Variants in GALNT14 observed in about 807,000 individuals in gnomAD.
The protein encoded by GALNT14 is polypeptide N-acetylgalactosaminyltransferase 14.
In GALNT14, 60 loss-of-function variants were observed where a neutral mutation model predicts 77.5. That is an observed-to-expected ratio of 0.77 (90% CI 0.63 to 0.96). The LOEUF is 0.96. Among genes scored for constraint, GALNT14 ranks in the 40% least tolerant of loss-of-function variants. GALNT14 has a pLI of 0.00. For synonymous variants in GALNT14, 280 were observed against 281.7 expected, an observed-to-expected ratio of 0.99 and a Z score of 0.06; for missense variants, 710 against 731.0, an observed-to-expected ratio of 0.97 and a Z score of 0.33.
intron 1 of GALNT14, among the ~76,000 whole-genome samples, chr2:31,009,950 T>C (rs1310980897): frequency 6.6e-6 from 1 of 152,196 alleles, no homozygotes; most frequent in Non-Finnish European, 1.5e-5. Context: ...AATACTGCAT[T>C]TGATCCCTCC....
At chr2:31,094,515 C>T (rs1676910104) in intron 1 of GALNT14, among the ~76,000 whole-genome samples, 1 of 152,232 alleles carries the variant, frequency 6.6e-6, no homozygotes, top group African/African-American at 2.4e-5. Context: ...AGGAAACAGA[C>T]ATGGGCAATA....
chr2:30,986,608 G>A (rs1244500816), intron 2 of GALNT14, among the ~76,000 whole-genome samples: 1 of 152,090 alleles, frequency 6.6e-6, no homozygotes, highest in Admixed American at 6.5e-5. Context: ...ATGTAATTGT[G>A]GTTTTTTCCA....
At chr2:30,922,092 AG>A (rs1665067014) in intron 13 of GALNT14, among the ~76,000 whole-genome samples, 1 of 152,162 alleles carries the variant, frequency 6.6e-6, no homozygotes, top group Non-Finnish European at 1.5e-5. Context: ...TCATGGGAGA[AG>A]GGGGTCACAT....
chr2:30,942,513 A>G (rs1666438537), intron 8 of GALNT14, among the ~76,000 whole-genome samples: 1 of 152,196 alleles, frequency 6.6e-6, no homozygotes, highest in Non-Finnish European at 1.5e-5. Context: ...AACAAGCTCC[A>G]GGGTTTTTCC....
At chr2:30,902,380 G>A in the GALNT14 span, among the ~76,000 whole-genome samples, 1 of 152,132 alleles carries the variant, frequency 6.6e-6, no homozygotes, top group African/African-American at 2.4e-5. Context: ...CACTAAGGAG[G>A]CTTTAAGACA....
chr2:30,932,272 G>A (rs1451854827), intron 9 of GALNT14, 78 bp from the exon 10 acceptor site: 35 of 1,320,876 alleles, frequency 2.6e-5, no homozygotes, highest in Non-Finnish European at 3.3e-5. Flanking sequence ...TAATGAAACG[G>A]TGAGGCCCCC....
rs150422564 is a variant in GALNT14, at chr2:31,103,481, G to A, written c.129+34477C>T. Among the ~76,000 whole-genome samples the A allele has an allele frequency of 4.6e-3, 390 of 85,338 alleles. 1 individual carries two copies. The Middle Eastern group carries it at 0.046, about 10-fold the overall frequency. The allele number at this position is 85,338 out of a possible 152,430, so 56.0% of individuals were successfully genotyped here. ...TAACACAATGGCAGCTGCGTATAGA[G>A]AAGAAGGAAACACACACACACACAC... On this transcript the variant is annotated intron_variant, in intron 1 of 14. Transcript: ENST00000349752.
intron 1 of GALNT14, among the ~76,000 whole-genome samples, chr2:31,025,547 G>A (rs924278533): frequency 1.3e-5 from 2 of 152,202 alleles, no homozygotes; most frequent in African/African-American, 4.8e-5. Context: ...ACAGGGAGCA[G>A]AGAAAACACC....
At chr2:31,137,685 C>A (rs569116971) in intron 1 of GALNT14, among the ~76,000 whole-genome samples, 48 of 152,306 alleles carry the variant, frequency 3.2e-4, no homozygotes, top group African/African-American at 1.1e-3. Flanking sequence ...CCGGGACCCT[C>A]GCGCGCAGCT....
intron 2 of GALNT14, among the ~76,000 whole-genome samples, chr2:30,973,656 CA>C (rs1185694908): frequency 1.3e-5 from 2 of 152,148 alleles, no homozygotes; most frequent in African/African-American, 4.8e-5. Context: ...ACTATAAAAT[CA>C]AAAATTCCTT....
chr2:31,137,833 C>T (rs978479725), intron 1 of GALNT14, 125 bp downstream of exon 1: 3 of 1,249,414 alleles, frequency 2.4e-6, no homozygotes, highest in Admixed American at 2.6e-5. Flanking sequence ...CATCCGGCGG[C>T]TGTTACCTGC....
At chr2:31,094,313 C>T (rs891581261) in intron 1 of GALNT14, among the ~76,000 whole-genome samples, 8 of 152,202 alleles carry the variant, frequency 5.3e-5, no homozygotes, top group Non-Finnish European at 7.3e-5. Context: ...CTGCCTATCC[C>T]AAAACCTATA....
chr2:30,993,339 G>A (rs971062508), intron 1 of GALNT14, among the ~76,000 whole-genome samples: 2 of 152,196 alleles, frequency 1.3e-5, no homozygotes, highest in African/African-American at 4.8e-5. Context: ...GCCTGGAGAG[G>A]TAAGTACCTT....
chr2:30,956,607 A>C (rs1667386562), intron 4 of GALNT14, among the ~76,000 whole-genome samples: 1 of 152,186 alleles, frequency 6.6e-6, no homozygotes, highest in South Asian at 2.1e-4. Flanking sequence ...CCTGGGTTCA[A>C]GTGATTCTCC....
At chr2:30,938,133 C>A (rs1343635910) in intron 9 of GALNT14, among the ~76,000 whole-genome samples, 3 of 150,758 alleles carry the variant, frequency 2.0e-5, no homozygotes, top group Non-Finnish European at 4.4e-5. Context: ...GGTGGTGGTA[C>A]TTCCTCTCTG....
At chr2:31,065,577 G>C (rs577783891) in intron 1 of GALNT14, among the ~76,000 whole-genome samples, 1 of 152,208 alleles carries the variant, frequency 6.6e-6, no homozygotes, top group African/African-American at 2.4e-5. Context: ...AAGAGGCCAG[G>C]AGGAGGGCCT....
intron 1 of GALNT14, among the ~76,000 whole-genome samples, chr2:31,033,957 G>A (rs773175979): frequency 3.9e-5 from 6 of 152,182 alleles, no homozygotes; most frequent in Non-Finnish European, 7.3e-5. Flanking sequence ...TGGCCATTAT[G>A]CCTAGTTTAT....
intron 1 of GALNT14, among the ~76,000 whole-genome samples, chr2:31,046,040 C>A (rs763046656): frequency 6.6e-6 from 1 of 152,148 alleles, no homozygotes; most frequent in Non-Finnish European, 1.5e-5. Context: ...AAGTTATGAG[C>A]AGCCATTGTG....
At chr2:30,964,925 G>A (rs1667905659) in intron 3 of GALNT14, among the ~76,000 whole-genome samples, 1 of 152,128 alleles carries the variant, frequency 6.6e-6, no homozygotes, top group Non-Finnish European at 1.5e-5. Context: ...CCTGCATGAT[G>A]GAAACAATGA....
Sources: allele counts gnomAD v4.1 joint callset (sites outside exome capture counted in the v4.1 genomes callset), GRCh38; gene constraint gnomAD v4.1.1; transcripts MANE v1.5; gene names NCBI Gene and HGNC (gene_info 2026-07-23, HGNC 2026-07-21).